JPH1: variants seen among roughly 807,000 people sequenced by gnomAD.
JPH1 encodes junctophilin-1.
Under a neutral mutation model 53.6 loss-of-function variants are expected in JPH1, and 12 were observed. The ratio of observed to expected loss-of-function variants is 0.22; its 90% confidence interval spans 0.14 to 0.36. JPH1 has a LOEUF of 0.36. JPH1 is among the 10% of genes least tolerant of loss of function. The pLI is 1.00. For synonymous variants in JPH1, 375 were observed against 363.8 expected (o/e 1.03, Z -0.35); for missense variants, 808 against 905.5 (o/e 0.89, Z 1.38).
At chr8:74,287,878 C>T (rs940546676) in intron 2 of JPH1, among the ~76,000 whole-genome samples, 10 of 152,026 alleles carry the variant, frequency 6.6e-5, no homozygotes, top group Non-Finnish European at 1.2e-4. Flanking sequence ...CACTTTCAAA[C>T]TATGTCCCTA....
rs1016509944 is a variant in JPH1 at position 74,261,976 on chromosome 8, T to C, written c.1140-2473A>G. On this transcript the variant is annotated intron_variant, in intron 2 of 5. Transcript: ENST00000342232. The stretch of plus-strand genomic sequence containing the variant: ...ATAGACAAATACAGCTTAACCTTTC[T>C]GCAAATATATTTTGGAAGCACAGCA... 2.6e-5 allele frequency among the ~76,000 whole-genome samples: 4 copies of C among 152,264 alleles called. No individual in the cohort carries two copies. The South Asian group carries it at 8.3e-4, about 31-fold the overall frequency.
intron 2 of JPH1, among the ~76,000 whole-genome samples, chr8:74,312,099 G>C (rs188034248): frequency 2.0e-5 from 3 of 152,162 alleles, no homozygotes; most frequent in African/African-American, 4.8e-5. Flanking sequence ...TAATAGCAAG[G>C]AATCTGGGAA....
intron 2 of JPH1, among the ~76,000 whole-genome samples, chr8:74,299,148 A>T (rs1230707103): frequency 1.3e-5 from 2 of 151,312 alleles, no homozygotes; most frequent in Non-Finnish European, 3.0e-5. Context: ...ATCTTCCCTT[A>T]GCTTCCCTTT....
intron 2 of JPH1, among the ~76,000 whole-genome samples, chr8:74,292,367 G>T (rs984426861): frequency 6.6e-6 from 1 of 152,118 alleles, no homozygotes; most frequent in Admixed American, 6.5e-5. Context: ...TCAAGGAAGC[G>T]ACATCAAACG....
intron 1 of JPH1, among the ~76,000 whole-genome samples, chr8:74,316,469 A>C (rs1314995473): frequency 6.6e-6 from 1 of 152,184 alleles, no homozygotes; most frequent in Non-Finnish European, 1.5e-5. Context: ...TGAGAACACA[A>C]AATTCTCATG....
intron 3 of JPH1, among the ~76,000 whole-genome samples, chr8:74,252,757 T>C (rs976399427): frequency 6.6e-6 from 1 of 152,074 alleles, no homozygotes; most frequent in East Asian, 1.9e-4. Context: ...TAGTCTCAGA[T>C]AAAACAGACT....
chr8:74,267,506 C>T (rs530806886), intron 2 of JPH1, among the ~76,000 whole-genome samples: 1 of 152,284 alleles, frequency 6.6e-6, no homozygotes, highest in South Asian at 2.1e-4. Flanking sequence ...GATTCATGTG[C>T]AGTCACTGAA....
intron 1 of JPH1, among the ~76,000 whole-genome samples, chr8:74,319,083 A>G (rs910803522): frequency 6.6e-6 from 1 of 152,114 alleles, no homozygotes; most frequent in Non-Finnish European, 1.5e-5. Context: ...TTAAAACTGA[A>G]GGCAGATTAT....
At chr8:74,300,362 T>C (rs986835338) in intron 2 of JPH1, among the ~76,000 whole-genome samples, 12 of 152,202 alleles carry the variant, frequency 7.9e-5, no homozygotes, top group South Asian at 2.1e-4. Flanking sequence ...CTACCTCCCA[T>C]GTACATGCAT....
rs1368367739 is a variant in JPH1, at chr8:74,245,081, C to A, written c.1353G>T (p.Glu451Asp). Residue 451 changes from glutamate (E) to aspartate (D), a missense_variant, in exon 4 of 6, where the codon GAG becomes GAT. Around this residue, in one of 2 missense-constraint regions of JPH1, gnomAD observed 756 missense variants for 811.9 expected, o/e 0.93. Transcript: ENST00000342232. ...TGCCTTTGCGATAAAAATGAGGAGA[C>A]TCCTTTGGTGTAGGTGGCTTTTCTG... The part of the protein sequence containing the change: ...KVPEKPPTPK[E>D]SPHFYRKGTT... The A allele has an allele frequency of 2.5e-6, 4 of 1,613,436 alleles. No homozygotes were observed. Among genetic ancestry groups the A allele is most frequent in the Non-Finnish European group, 3.4e-6 (4 of 1,179,950 alleles).
chr8:74,302,972 A>C (rs1320076037), intron 2 of JPH1, among the ~76,000 whole-genome samples: 1 of 152,102 alleles, frequency 6.6e-6, no homozygotes, highest in Non-Finnish European at 1.5e-5. Context: ...AAAAAAAAAA[A>C]AAAACAGTCC....
intron 2 of JPH1, among the ~76,000 whole-genome samples, chr8:74,294,230 C>T (rs1412347025): frequency 2.0e-5 from 3 of 152,170 alleles, no homozygotes; most frequent in Non-Finnish European, 4.4e-5. Context: ...AGATAAAGTT[C>T]CCCACGTGCC....
intron 3 of JPH1, among the ~76,000 whole-genome samples, chr8:74,246,431 C>T (rs745740147): frequency 5.9e-5 from 9 of 152,178 alleles, no homozygotes; most frequent in African/African-American, 9.7e-5. Flanking sequence ...ACATACTGCA[C>T]ACTTACACTT....
At chr8:74,253,712 T>C (rs1021242770) in intron 3 of JPH1, among the ~76,000 whole-genome samples, 1 of 151,988 alleles carries the variant, frequency 6.6e-6, no homozygotes, top group Admixed American at 6.5e-5. Context: ...AAAGGGGATA[T>C]TACCACTGAT....
rs892301334 is a variant in JPH1, at chr8:74,321,319, G to C, written c.-32C>G. 3 of 1,501,256 alleles carry C rather than the reference G, an allele frequency of 2.0e-6. No homozygotes were observed. The African/African-American group carries it at 4.2e-5, about 21-fold the overall frequency. 93.0% of individuals were successfully genotyped at this position (1,501,256 alleles called of 1,614,324 possible). On this transcript the variant is annotated 5_prime_UTR_variant, in exon 1 of 6. Coordinates refer to ENST00000342232, the MANE Select transcript of JPH1 (RefSeq NM_020647.4). This position sits in a 1 kb window ranked among gnomAD's most constrained non-coding sequence, Gnocchi z 4.3. ...GGCAGCCCCGGCGCGCTCCCCGCAG[G>C]GGCACGGACGCGGGCAGTGCTGGGC...
At chr8:74,245,273 AT>A in intron 3 of JPH1, 98 bp from the exon 4 acceptor site, 1 of 1,046,960 alleles carries the variant, frequency 9.6e-7, no homozygotes, top group Non-Finnish European at 1.3e-6. Context: ...AAAATAATAT[AT>A]TCATAAGGCT....
chr8:74,259,036 T>C (rs1586741055), intron 3 of JPH1, among the ~76,000 whole-genome samples: 2 of 152,236 alleles, frequency 1.3e-5, no homozygotes. Context: ...AAAACTTTGT[T>C]CCATGTGCAA....
At chr8:74,304,082 T>C (rs1204863723) in intron 2 of JPH1, among the ~76,000 whole-genome samples, 1 of 152,228 alleles carries the variant, frequency 6.6e-6, no homozygotes. Flanking sequence ...GGATGCAGCC[T>C]GCAGACACCT....
intron 1 of JPH1, among the ~76,000 whole-genome samples, chr8:74,317,862 CAAAAAAGTATGGCTTGAAA>C (rs1015170956): frequency 1.3e-4 from 19 of 151,918 alleles, no homozygotes; most frequent in Non-Finnish European, 2.5e-4. Flanking sequence ...TTAGAATTTC[CAAAAAAGTATGGCTTGAAA>C]ATCCAAGCTG....
Sources: allele counts gnomAD v4.1 joint callset (sites outside exome capture counted in the v4.1 genomes callset), GRCh38; gene constraint gnomAD v4.1.1; regional missense constraint gnomAD v4.1.1; non-coding constraint Gnocchi (gnomAD v3.1); transcripts MANE v1.5; gene names NCBI Gene and HGNC (gene_info 2026-07-23, HGNC 2026-07-21).